Variants in TENM2 observed in about 807,000 individuals in gnomAD.
TENM2 encodes teneurin transmembrane protein 2, also known as teneurin-2.
A neutral mutation model predicts 245.2 loss-of-function variants in TENM2; 52 were observed. That is an observed-to-expected ratio of 0.21 (90% confidence interval 0.17 to 0.27). TENM2 has a LOEUF of 0.27. TENM2 is among the 10% of genes least tolerant of loss of function. TENM2 has a pLI of 1.00. For synonymous variants in TENM2, 1,363 were observed against 1,438.9 expected (o/e 0.95, Z 1.19); for missense variants, 3,046 against 3,666.8 (o/e 0.83, Z 4.37).
At chr5:167,076,242 T>G in the TENM2 span, among the ~76,000 whole-genome samples, 4 of 152,088 alleles carry the variant, frequency 2.6e-5, no homozygotes, top group Non-Finnish European at 5.9e-5. Flanking sequence ...AGGGCAGCCG[T>G]ACCTACTTTC....
At chr5:168,163,635 C>G (rs1757945562) in intron 13 of TENM2, among the ~76,000 whole-genome samples, 1 of 152,086 alleles carries the variant, frequency 6.6e-6, no homozygotes, top group African/African-American at 2.4e-5. Context: ...TTTTCAAGGT[C>G]CAATAACAAG....
At chr5:167,131,680 C>T in the TENM2 span, among the ~76,000 whole-genome samples, 1 of 152,060 alleles carries the variant, frequency 6.6e-6, no homozygotes, top group African/African-American at 2.4e-5. Context: ...AATGTCACCC[C>T]ATTTTTACTA....
At chr5:167,633,221 A>T (rs189634075) in intron 2 of TENM2, among the ~76,000 whole-genome samples, 5 of 152,298 alleles carry the variant, frequency 3.3e-5, no homozygotes, top group Non-Finnish European at 7.4e-5. Context: ...GCAGAACCTG[A>T]GGAGGTTCGC....
At chr5:167,886,434 A>G (rs1264981759) in intron 3 of TENM2, among the ~76,000 whole-genome samples, 2 of 152,234 alleles carry the variant, frequency 1.3e-5, no homozygotes, top group Non-Finnish European at 2.9e-5. Context: ...AATCAGAAGG[A>G]TGAGAGGATA....
rs552227450 is a variant in TENM2, at chr5:167,501,553, TCTCC to T, written c.502+126087_502+126090del. ...TATTAGTGATGGATCTGTACTGACT[TCTCC>T]CTCCCTGTCCCCATTCCCCAAATCC... On this transcript the variant is annotated intron_variant, in intron 2 of 28. Coordinates refer to ENST00000518659, the Ensembl canonical transcript of TENM2. Among the ~76,000 whole-genome samples, 19 of 152,262 alleles carry T rather than the reference TCTCC, an allele frequency of 1.2e-4. No individual in the cohort carries two copies. The East Asian group carries it at 2.3e-3, about 19-fold the overall frequency.
chr5:167,878,173 A>C (rs181396920), intron 3 of TENM2, among the ~76,000 whole-genome samples: 2 of 152,232 alleles, frequency 1.3e-5, no homozygotes, highest in Non-Finnish European at 2.9e-5. Flanking sequence ...TCAGATTGAA[A>C]CTTGTTGATA....
chr5:167,411,352 C>T (rs1762896339), intron 2 of TENM2, among the ~76,000 whole-genome samples: 1 of 152,064 alleles, frequency 6.6e-6, no homozygotes, highest in South Asian at 2.1e-4. Context: ...GCCCAATAAA[C>T]ACATAATATT....
At chr5:167,377,921 C>A (rs1344442260) in intron 2 of TENM2, among the ~76,000 whole-genome samples, 3 of 152,110 alleles carry the variant, frequency 2.0e-5, no homozygotes, top group Non-Finnish European at 2.9e-5. Context: ...AATCAATAAC[C>A]TTTTAGGTAT....
intron 2 of TENM2, among the ~76,000 whole-genome samples, chr5:167,609,494 AAAAAAAAAAAAAAAAAAAC>A (rs1777305962): frequency 9.4e-6 from 1 of 106,654 alleles, no homozygotes; most frequent in South Asian, 3.4e-4. Context: ...GATGCAAAAA[AAAAAAAAAAAAAAAAAAAC>A]AAAACCTTAC....
At chr5:167,432,194 C>G (rs1764295620) in intron 2 of TENM2, among the ~76,000 whole-genome samples, 1 of 151,364 alleles carries the variant, frequency 6.6e-6, no homozygotes, top group Admixed American at 6.6e-5. Flanking sequence ...AGTGGTTTAC[C>G]TCCATAAAAC....
In TENM2 at chr5:167,530,644, C is replaced by G. The variant is rs534971417; in HGVS notation, c.502+155171C>G. 4.9e-4 allele frequency among the ~76,000 whole-genome samples: 75 copies of G among 152,312 alleles called. No individual in the cohort carries two copies. The South Asian group carries it at 0.015, about 30-fold the overall frequency. On this transcript the variant is annotated intron_variant, in intron 2 of 28. Transcript: ENST00000518659. ...AAGGTTCCCCCAGATCCTGTGAGCA[C>G]GGAGCCATCGGCCCCTGCTCAAGAG...
At chr5:168,004,679 G>C (rs1483819628) in intron 5 of TENM2, among the ~76,000 whole-genome samples, 2 of 152,160 alleles carry the variant, frequency 1.3e-5, no homozygotes, top group African/African-American at 4.8e-5. Context: ...CCAACTTCTA[G>C]TCCTGCTTCC....
chr5:167,579,172 C>T (rs1774917024), intron 2 of TENM2, among the ~76,000 whole-genome samples: 1 of 152,150 alleles, frequency 6.6e-6, no homozygotes, highest in Non-Finnish European at 1.5e-5. Context: ...ACACAAAAGG[C>T]ATCACTCATG....
chr5:167,347,723 T>G (rs1758556871), intron 1 of TENM2, among the ~76,000 whole-genome samples: 1 of 152,162 alleles, frequency 6.6e-6, no homozygotes, highest in African/African-American at 2.4e-5. Context: ...CCTTCTTTCC[T>G]TTTTTCTTCC....
intron 2 of TENM2, among the ~76,000 whole-genome samples, chr5:167,385,706 G>C (rs1386258876): frequency 6.6e-6 from 1 of 151,672 alleles, no homozygotes; most frequent in Admixed American, 6.6e-5. Flanking sequence ...TCTTTCTTAT[G>C]CTTTTGCATC....
At chr5:167,680,328 CT>C (rs1756620665) in intron 2 of TENM2, among the ~76,000 whole-genome samples, 1 of 149,828 alleles carries the variant, frequency 6.7e-6, no homozygotes, top group East Asian at 2.0e-4. Flanking sequence ...AAAAAAATCC[CT>C]AAGAAAGAGT....
intron 2 of TENM2, among the ~76,000 whole-genome samples, chr5:167,812,109 TA>T (rs1190685013): frequency 1.3e-5 from 2 of 152,268 alleles, no homozygotes; most frequent in African/African-American, 4.8e-5. Context: ...AAAACCTTTC[TA>T]AATTTAGTAA....
intron 13 of TENM2, among the ~76,000 whole-genome samples, chr5:168,166,250 A>G (rs1758296395): frequency 6.6e-6 from 1 of 152,192 alleles, no homozygotes; most frequent in Non-Finnish European, 1.5e-5. Flanking sequence ...AGCAATGAAC[A>G]CATTTGTTAT....
intron 1 of TENM2, among the ~76,000 whole-genome samples, chr5:167,333,475 T>G (rs1376288297): frequency 6.6e-6 from 1 of 152,212 alleles, no homozygotes; most frequent in Non-Finnish European, 1.5e-5. Context: ...AAAATAAATA[T>G]TTTAGATTAC....
Sources: gnomAD v4.1 joint callset for allele counts (sites outside exome capture counted in the v4.1 genomes callset) on GRCh38, gnomAD v4.1.1 for gene constraint, MANE v1.5 for transcripts, NCBI Gene and HGNC (gene_info 2026-07-23, HGNC 2026-07-21) for gene names.